Variants in SRRM4 observed in about 807,000 individuals in gnomAD.
SRRM4 encodes serine/arginine repetitive matrix 4.
SRRM4 carries 33 observed loss-of-function variants against 68.9 expected under a neutral mutation model. The ratio of observed to expected loss-of-function variants is 0.48; its 90% CI spans 0.36 to 0.64. The LOEUF (loss-of-function observed/expected upper bound fraction) is 0.64, where lower values mean the gene tolerates loss of function less well. Among genes scored for constraint, SRRM4 ranks in the 30% least tolerant of loss-of-function variants. SRRM4 has a pLI of 0.00. For synonymous variants in SRRM4, 318 were observed against 318.8 expected, an observed-to-expected ratio of 1.00 and a Z score of 0.03; for missense variants, 817 against 827.1, an observed-to-expected ratio of 0.99 and a Z score of 0.15.
chr12:118,999,993 G>A (rs1272362344), intron 1 of SRRM4, among the ~76,000 whole-genome samples: 4 of 151,988 alleles, frequency 2.6e-5, no homozygotes, highest in Non-Finnish European at 4.4e-5. Flanking sequence ...GAGCTGGGGA[G>A]GTACTTACTG....
intron 1 of SRRM4, among the ~76,000 whole-genome samples, chr12:119,059,388 AC>A (rs1465988415): frequency 6.6e-6 from 1 of 152,164 alleles, no homozygotes; most frequent in Non-Finnish European, 1.5e-5. Flanking sequence ...TAGTGGGGTT[AC>A]AGAAAAGGCA....
At chr12:119,082,355 C>T (rs1210253447) in intron 1 of SRRM4, among the ~76,000 whole-genome samples, 1 of 152,176 alleles carries the variant, frequency 6.6e-6, no homozygotes, top group Admixed American at 6.5e-5. Context: ...CATCTCCCAT[C>T]TTCCTTTCAG....
chr12:119,125,583 C>A, intron 7 of SRRM4, 104 bp downstream of exon 7: 1 of 985,832 alleles, frequency 1.0e-6, no homozygotes, highest in Non-Finnish European at 1.5e-6. Flanking sequence ...CAGGGTTTGG[C>A]CCCCTTCCTC....
chr12:119,078,208 G>T (rs903669654), intron 1 of SRRM4, among the ~76,000 whole-genome samples: 1 of 152,140 alleles, frequency 6.6e-6, no homozygotes, highest in African/African-American at 2.4e-5. Context: ...TCTATAAAAG[G>T]AATCATTGAG....
chr12:119,055,678 G>T (rs1953771902), intron 1 of SRRM4, among the ~76,000 whole-genome samples: 1 of 152,236 alleles, frequency 6.6e-6, no homozygotes, highest in African/African-American at 2.4e-5. Flanking sequence ...ATAAGAAGGA[G>T]AGAGAATAAC....
chr12:119,157,297 T>C lies in SRRM4; in HGVS notation c.*499T>C, dbSNP rs1286973094. 6.3e-6 allele frequency: 1 copy of C among 157,516 alleles called. No homozygotes were observed. The highest frequency in any genetic ancestry group is 1.4e-5 in the Non-Finnish European group (1 of 71,512). 9.8% of individuals were successfully genotyped at this position (157,516 alleles called of 1,614,324 possible). On this transcript the variant is annotated 3_prime_UTR_variant, in exon 13 of 13. Coordinates refer to ENST00000267260, the MANE Select transcript of SRRM4 (RefSeq NM_194286.4). The surrounding 1 kb of genome is among the most constrained non-coding windows in gnomAD (Gnocchi z 4.1). ...GACCAATGGCAGTTCAGGTTCAAGA[T>C]AACGGGGTCAGGCCTTTAACTTCCT...
chr12:119,029,749 T>C (rs779331971), intron 1 of SRRM4, among the ~76,000 whole-genome samples: 3 of 152,222 alleles, frequency 2.0e-5, no homozygotes, highest in Non-Finnish European at 4.4e-5. Flanking sequence ...TTGATGGTGA[T>C]GGAACTTGCC....
chr12:119,119,241 A>T (rs1051756645), intron 4 of SRRM4, among the ~76,000 whole-genome samples: 5 of 152,008 alleles, frequency 3.3e-5, no homozygotes, highest in African/African-American at 1.2e-4. Context: ...AACTTAGAAT[A>T]AAAATTAAAA....
At chr12:118,993,457 T>A (rs6490221) in intron 1 of SRRM4, among the ~76,000 whole-genome samples, 41,468 of 152,160 alleles carry the variant, frequency 0.27, 5,928 homozygotes, top group Non-Finnish European at 0.31. Flanking sequence ...ATGGAGGGAT[T>A]GGAGTGGGCC....
chr12:119,113,832 C>G (rs1954159886), intron 2 of SRRM4, among the ~76,000 whole-genome samples: 1 of 152,074 alleles, frequency 6.6e-6, no homozygotes, highest in Non-Finnish European at 1.5e-5. Flanking sequence ...TAGACCTTGG[C>G]AAATATACTT....
chr12:119,149,010 G>A (rs557342703), intron 9 of SRRM4, among the ~76,000 whole-genome samples: 1 of 152,250 alleles, frequency 6.6e-6, no homozygotes, highest in South Asian at 2.1e-4. Context: ...TGGTTTTGAG[G>A]AAATAACAAA....
chr12:119,049,175 C>A (rs546877050), intron 1 of SRRM4, among the ~76,000 whole-genome samples: 2 of 152,240 alleles, frequency 1.3e-5, no homozygotes, highest in East Asian at 3.9e-4. Flanking sequence ...ATAGGAAAAG[C>A]GTGGCATTGG....
chr12:119,076,095 C>T (rs577933554), intron 1 of SRRM4, among the ~76,000 whole-genome samples: 50 of 151,218 alleles, frequency 3.3e-4, no homozygotes, highest in Non-Finnish European at 5.6e-4. Flanking sequence ...ATGATGGTGA[C>T]GATAACAATG....
At chr12:119,073,586 A>G (rs1953891043) in intron 1 of SRRM4, among the ~76,000 whole-genome samples, 1 of 151,570 alleles carries the variant, frequency 6.6e-6, no homozygotes, top group African/African-American at 2.4e-5. Flanking sequence ...CGGCTTCCCA[A>G]AGTTCTGGGA....
chr12:119,107,363 TC>T (rs1441000026), intron 2 of SRRM4, among the ~76,000 whole-genome samples: 4 of 152,222 alleles, frequency 2.6e-5, no homozygotes, highest in Non-Finnish European at 5.9e-5. Context: ...TCCCTCTTTT[TC>T]TATTGATTGG....
intron 1 of SRRM4, among the ~76,000 whole-genome samples, chr12:119,067,446 C>CCTGT (rs1953852841): frequency 6.6e-6 from 1 of 152,164 alleles, no homozygotes; most frequent in East Asian, 1.9e-4. Context: ...GTGTTTCATG[C>CCTGT]CTGTAATCCT....
intron 8 of SRRM4, among the ~76,000 whole-genome samples, chr12:119,138,797 C>T (rs1184963535): frequency 6.6e-6 from 1 of 152,122 alleles, no homozygotes; most frequent in African/African-American, 2.4e-5. Context: ...TTTCATTTGG[C>T]CATTAAGTAG....
chr12:119,082,503 A>C (rs1953955146), intron 1 of SRRM4, among the ~76,000 whole-genome samples: 1 of 152,228 alleles, frequency 6.6e-6, no homozygotes, highest in African/African-American at 2.4e-5. Context: ...TTGCAACAAA[A>C]GGCAAAATCC....
chr12:119,086,963 T>A (rs4767773), intron 1 of SRRM4, among the ~76,000 whole-genome samples: 8,618 of 152,270 alleles, frequency 0.057, 316 homozygotes, highest in East Asian at 0.12. Flanking sequence ...CCATTATGTG[T>A]TGCTCTCAGA....
Sources: gnomAD v4.1 joint callset for allele counts (sites outside exome capture counted in the v4.1 genomes callset) on GRCh38, gnomAD v4.1.1 for gene constraint, Gnocchi (gnomAD v3.1) non-coding constraint, MANE v1.5 for transcripts, NCBI Gene and HGNC (gene_info 2026-07-23, HGNC 2026-07-21) for gene names.